Variants in COL7A1 observed in about 807,000 individuals in gnomAD.
COL7A1 encodes the protein collagen type VII alpha 1 chain.
In COL7A1, 296 loss-of-function variants were observed where a neutral mutation model predicts 456.2. The ratio of observed to expected loss-of-function variants is 0.65; its 90% CI spans 0.59 to 0.71. The LOEUF (loss-of-function observed/expected upper bound fraction) is 0.71. Ranked by LOEUF, COL7A1 falls within the 30% of genes least tolerant of loss-of-function variation. The pLI, the probability that COL7A1 is intolerant of heterozygous loss-of-function variation, is 0.00. For synonymous variants in COL7A1, 1,464 were observed against 1,525.9 expected (o/e 0.96, Z 0.95); for missense variants, 3,441 against 4,017.2 (o/e 0.86, Z 3.88).
rs761163966 is a variant in COL7A1 at position 48,581,530 on chromosome 3, C to T, written c.4782+43G>A. The T allele has an allele frequency of 6.2e-7, 1 of 1,614,148 alleles. No individual in the cohort carries two copies. Among genetic ancestry groups the T allele is most frequent in the Admixed American group, 1.7e-5 (1 of 60,024 alleles). ...CAGGACTTAGTCAGGGTCCCACCAC[C>T]TCATCTCCCTCTGTCACACTCCCCA... On this transcript the variant is annotated intron_variant, in intron 50 of 118. Transcript: ENST00000681320. This position sits in a 1 kb window ranked among gnomAD's most constrained non-coding sequence, Gnocchi z 5.8.
In COL7A1 at chr3:48,590,701, G is replaced by T; in HGVS notation, c.1752C>A (p.Gly584=). The stretch of plus-strand genomic sequence containing the variant: ...GGCGGACAGTGAGGACACTGGCACT[G>T]CCCTCACGGGGACCCACTCGAGCAG... The part of the protein sequence containing the change: ...RVSARVGPRE[G]SASVLTVRRE... The change falls in exon 14 of 119, where the codon GGC becomes GGA. Residue 584 remains glycine (G), a synonymous_variant. Transcript: ENST00000681320. This position sits in a 1 kb window ranked among gnomAD's most constrained non-coding sequence, Gnocchi z 4.6. 1 of 1,614,004 alleles carries T rather than the reference G, an allele frequency of 6.2e-7. No homozygotes were observed. The highest frequency in any genetic ancestry group is 8.5e-7 in the Non-Finnish European group (1 of 1,180,038).
chr3:48,584,333 G>T lies in COL7A1; in HGVS notation c.4162C>A (p.Arg1388Ser). Residue 1388 changes from arginine (R) to serine (S), a missense_variant, in exon 37 of 119, where the codon CGT becomes AGT. This residue lies in a region of COL7A1 where 2,084 missense variants were observed against 2,501.3 expected (regional missense o/e 0.83). Transcript: ENST00000681320. ...GTTCCAGGAAGCCCTGGGGGGCCAC[G>T]GGGTCCTGGGTCCCCCAGTGGTCCA... ...PRGPLGDPGPRGPPGLPGTAM... is the reference protein window; with the variant it reads ...PRGPLGDPGPSGPPGLPGTAM... 2.5e-6 allele frequency: 4 copies of T among 1,613,016 alleles called. No homozygotes were observed. In the South Asian group the frequency reaches 4.4e-5, roughly 18 times the overall value.
rs1402489204 is a variant in COL7A1, at chr3:48,585,046, G to C, written c.3965C>G (p.Pro1322Arg). The C allele has an allele frequency of 1.2e-6, 2 of 1,613,084 alleles. No homozygotes were observed. Among genetic ancestry groups the C allele is most frequent in the South Asian group, 1.1e-5 (1 of 91,070 alleles). The change falls in exon 33 of 119, where the codon CCT becomes CGT. Residue 1322 changes from proline to arginine, a missense_variant. Physicochemically the swap from Pro to Arg is moderately radical, Grantham distance 103 (BLOSUM62 -2). Coordinates refer to ENST00000681320, the MANE Select transcript of COL7A1 (RefSeq NM_000094.4). The surrounding 1 kb of genome is among the most constrained non-coding windows in gnomAD (Gnocchi z 4.5). ...ACAAGGCTTGCTCACCTTTAGGCCAGGGGCTCCAGGGGTCCCAGGATTCCC... is the reference window on the plus strand; with the variant it reads ...ACAAGGCTTGCTCACCTTTAGGCCACGGGCTCCAGGGGTCCCAGGATTCCC... The part of the protein sequence containing the change: ...RAGNPGTPGA[P>R]GLKGSPGLPG...
chr3:48,580,314 C>A lies in COL7A1; in HGVS notation c.5083G>T (p.Asp1695Tyr). 1 of 1,610,628 alleles carries A rather than the reference C, an allele frequency of 6.2e-7. No individual in the cohort carries two copies. The highest frequency in any genetic ancestry group is 1.1e-5 in the South Asian group (1 of 90,356). ...GCCCTACTCACCGGCTCCCCACGGT[C>A]ACCCTTGGGTCCAGATGATCCAGGG... ...GSPGSSGPKG[D>Y]RGEPGPPGPP... is the part of the protein sequence containing the mutation. The change falls in exon 56 of 119, where the codon GAC (aspartate) becomes TAC (tyrosine). Residue 1695 changes from aspartate to tyrosine, a missense_variant. Asp to Tyr is a radical substitution (Grantham distance 160, BLOSUM62 -3). Transcript: ENST00000681320. The surrounding 1 kb of genome is among the most constrained non-coding windows in gnomAD (Gnocchi z 4.5).
rs1330241659 is a variant in COL7A1, at chr3:48,572,762, A to G, written c.6832-23T>C. The G allele has an allele frequency of 1.9e-6, 3 of 1,610,886 alleles. No individual in the cohort carries two copies. On this transcript the variant is annotated intron_variant, in intron 87 of 118. Coordinates refer to ENST00000681320, the MANE Select transcript of COL7A1 (RefSeq NM_000094.4). The surrounding 1 kb of genome is among the most constrained non-coding windows in gnomAD (Gnocchi z 4.6). Reference sequence around the variant, plus strand: ...CCCCTATGGCAGAGCAGCGTGAGGAACTCAGTGCCTCTCCACCACCACCCC... The same window carrying G: ...CCCCTATGGCAGAGCAGCGTGAGGAGCTCAGTGCCTCTCCACCACCACCCC...
chr3:48,574,303 GAC>G lies in COL7A1; in HGVS notation c.6458_6459del (p.Gly2153AlafsTer11). On this transcript the variant is annotated frameshift_variant and splice_region_variant, in exon 80 of 119. Coordinates refer to ENST00000681320, the MANE Select transcript of COL7A1 (RefSeq NM_000094.4). LOFTEE classifies it high-confidence loss of function. This position sits in a 1 kb window ranked among gnomAD's most constrained non-coding sequence, Gnocchi z 5.0. ...PGPRGQDGNP[G>X]LPGERGMAGP... ...CCAGCCATACCACGCTCTCCTGGTA[GAC>G]CCTGCAGAGAATAGGTTTAAGGCCT... 1 of 1,614,162 alleles carries G rather than the reference GAC, an allele frequency of 6.2e-7. No homozygotes were observed. Among genetic ancestry groups the G allele is most frequent in the Non-Finnish European group, 8.5e-7 (1 of 1,180,022 alleles).
Position 48,588,268 on chromosome 3 carries a change from G to A in COL7A1, c.2710+14C>T. On this transcript the variant is annotated intron_variant, in intron 21 of 118. Coordinates refer to ENST00000681320, the MANE Select transcript of COL7A1 (RefSeq NM_000094.4). The surrounding 1 kb of genome is among the most constrained non-coding windows in gnomAD (Gnocchi z 4.6). Reference sequence around the variant, plus strand: ...CCCAATGGTCCCTAACTTCCTCCTGGGGACACCTCTCACCCTCAGGTTGCC... The same window carrying A: ...CCCAATGGTCCCTAACTTCCTCCTGAGGACACCTCTCACCCTCAGGTTGCC... 6.2e-7 allele frequency: 1 copy of A among 1,612,672 alleles called. No homozygotes were observed. The highest frequency in any genetic ancestry group is 8.5e-7 in the Non-Finnish European group (1 of 1,179,914).
In COL7A1 at chr3:48,591,931, G is replaced by C. The variant is rs142108058; in HGVS notation, c.1324C>G (p.Arg442Gly). Reference protein sequence around the residue: ...LLSWNLVPEARGYRLEWRRET... With the variant: ...LLSWNLVPEAGGYRLEWRRET... ...CGCCGCCATTCCAACCGGTAGCCAC[G>C]GGCCTCAGGCACCAAGTTCCAGGAA... Residue 442 changes from arginine to glycine, a missense_variant, in exon 11 of 119, where the codon CGT becomes GGT. This residue lies in a region of COL7A1 where 913 missense variants were observed against 1,088.2 expected (regional missense o/e 0.84). Coordinates refer to ENST00000681320, the MANE Select transcript of COL7A1 (RefSeq NM_000094.4). This position sits in a 1 kb window ranked among gnomAD's most constrained non-coding sequence, Gnocchi z 7.0. 5 of 1,614,174 alleles carry C rather than the reference G, an allele frequency of 3.1e-6. No individual in the cohort carries two copies. The highest frequency in any genetic ancestry group is 1.1e-5 in the South Asian group (1 of 91,078).
Position 48,567,814 on chromosome 3 carries a change from C to T in COL7A1, c.7929+24G>A, listed in dbSNP as rs765926458. ...GCCTTAGGCCCCAGGCCACGTAGCC[C>T]CCCAGCCCCCATCCCCTCTGTACCT... On this transcript the variant is annotated intron_variant, in intron 107 of 118. Coordinates refer to ENST00000681320, the MANE Select transcript of COL7A1 (RefSeq NM_000094.4). The surrounding 1 kb of genome is among the most constrained non-coding windows in gnomAD (Gnocchi z 4.3). The T allele has an allele frequency of 1.2e-6, 2 of 1,614,032 alleles. No homozygotes were observed. Among genetic ancestry groups the T allele is most frequent in the Admixed American group, 3.3e-5 (2 of 60,008 alleles).
At position 48,569,209 on chromosome 3, in the gene COL7A1, C is replaced by T. The variant is rs184732195; in HGVS notation, c.7686+166G>A. On this transcript the variant is annotated intron_variant, in intron 103 of 118. Coordinates refer to ENST00000681320, the MANE Select transcript of COL7A1 (RefSeq NM_000094.4). This position sits in a 1 kb window ranked among gnomAD's most constrained non-coding sequence, Gnocchi z 4.9. ...CTAACCTCACACCAAGGCCTTGAGCCCTCCCTAGAGCCCCTCCTCTCGGCC... is the reference window on the plus strand; with the variant it reads ...CTAACCTCACACCAAGGCCTTGAGCTCTCCCTAGAGCCCCTCCTCTCGGCC... Among the ~76,000 whole-genome samples the T allele has an allele frequency of 5.5e-4, 83 of 152,194 alleles. 1 individual carries two copies. Among genetic ancestry groups the T allele is most frequent in the Middle Eastern group, 6.8e-3 (2 of 294 alleles).
In COL7A1 at chr3:48,578,496, C is replaced by T; in HGVS notation, c.5444G>A (p.Gly1815Glu). The stretch of plus-strand genomic sequence containing the variant: ...AGAGGGGCCAGGGAGGCCCTGTTCT[C>T]CACGGAGGCCTGGAAGCCCCTGGAA... Reference protein sequence around the residue: ...PGRDGLPGLRGEQGLPGPSGP... With the variant: ...PGRDGLPGLREEQGLPGPSGP... Residue 1815 changes from glycine to glutamate, a missense_variant, in exon 64 of 119, where the codon GGA becomes GAA. Physicochemically the swap from Gly to Glu is moderately conservative, Grantham distance 98 (BLOSUM62 -2). Coordinates refer to ENST00000681320, the MANE Select transcript of COL7A1 (RefSeq NM_000094.4). This position sits in a 1 kb window ranked among gnomAD's most constrained non-coding sequence, Gnocchi z 4.7. 2 of 1,612,486 alleles carry T rather than the reference C, an allele frequency of 1.2e-6. No homozygotes were observed. Among genetic ancestry groups the T allele is most frequent in the Non-Finnish European group, 1.7e-6 (2 of 1,179,956 alleles).
Position 48,585,670 on chromosome 3 carries a change from C to G in COL7A1, c.3831+20G>C, listed in dbSNP as rs376299120. 134 of 1,613,892 alleles carry G rather than the reference C, an allele frequency of 8.3e-5. No homozygotes were observed. Among genetic ancestry groups the G allele is most frequent in the Non-Finnish European group, 1.1e-4 (124 of 1,180,000 alleles). ...GGATAAGCCAGTCAGGGTGCAGGGA[C>G]AGATGTGGGGGACACTCACCGGGAG... On this transcript the variant is annotated intron_variant, in intron 31 of 118. Transcript: ENST00000681320. The surrounding 1 kb of genome is among the most constrained non-coding windows in gnomAD (Gnocchi z 4.5).
Position 48,574,905 on chromosome 3 carries a change from T to G in COL7A1, c.6280-40A>C, listed in dbSNP as rs370282200. On this transcript the variant is annotated intron_variant, in intron 76 of 118. Transcript: ENST00000681320. This position sits in a 1 kb window ranked among gnomAD's most constrained non-coding sequence, Gnocchi z 5.0. ...TCACAGGGGAGAGATGTCTCTGTCATAGAGGCATGGGGGAGTCATCACAGA... is the reference window on the plus strand; with the variant it reads ...TCACAGGGGAGAGATGTCTCTGTCAGAGAGGCATGGGGGAGTCATCACAGA... The G allele has an allele frequency of 6.2e-7, 1 of 1,605,750 alleles. No homozygotes were observed. The highest frequency in any genetic ancestry group is 8.5e-7 in the Non-Finnish European group (1 of 1,173,250).
Position 48,585,648 on chromosome 3 carries a change from T to G in COL7A1, c.3832-29A>C. 1.2e-6 allele frequency: 2 copies of G among 1,613,982 alleles called. No individual in the cohort carries two copies. The highest frequency in any genetic ancestry group is 1.7e-6 in the Non-Finnish European group (2 of 1,179,992). On this transcript the variant is annotated intron_variant, in intron 31 of 118. Coordinates refer to ENST00000681320, the MANE Select transcript of COL7A1 (RefSeq NM_000094.4). The surrounding 1 kb of genome is among the most constrained non-coding windows in gnomAD (Gnocchi z 4.5). ...AAAGAAGATAGCAGTTAGGTGGGGA[T>G]AAGCCAGTCAGGGTGCAGGGACAGA...
rs1344377698 is a variant in COL7A1 at position 48,585,303 on chromosome 3, G to A, written c.3895-187C>T. ...ACAGAGCCCAATTCCAGGCACAAGGGCAGCGACAAGGCAGAGGGCTTCCCT... is the reference window on the plus strand; with the variant it reads ...ACAGAGCCCAATTCCAGGCACAAGGACAGCGACAAGGCAGAGGGCTTCCCT... On this transcript the variant is annotated intron_variant, in intron 32 of 118. Transcript: ENST00000681320. The surrounding 1 kb of genome is among the most constrained non-coding windows in gnomAD (Gnocchi z 4.5). Among the ~76,000 whole-genome samples the A allele has an allele frequency of 6.6e-6, 1 of 152,200 alleles. No homozygotes were observed. Among genetic ancestry groups the A allele is most frequent in the Non-Finnish European group, 1.5e-5 (1 of 68,026 alleles).
Position 48,591,570 on chromosome 3 carries a change from A to C in COL7A1, c.1530T>G (p.Pro510=). ...VPTGPELPVS[P]VTDLQATELP... ...GCTCGGTGGCTTGCAGGTCTGTTACAGGGCTCACAGGCAGCTCTGGTCCTG... is the reference window on the plus strand; with the variant it reads ...GCTCGGTGGCTTGCAGGTCTGTTACCGGGCTCACAGGCAGCTCTGGTCCTG... The change falls in exon 13 of 119, where the codon CCT becomes CCG. Residue 510 remains proline (P), a synonymous_variant. Transcript: ENST00000681320. This position sits in a 1 kb window ranked among gnomAD's most constrained non-coding sequence, Gnocchi z 7.0. The C allele has an allele frequency of 6.2e-7, 1 of 1,613,704 alleles. No homozygotes were observed. The highest frequency in any genetic ancestry group is 1.3e-5 in the African/African-American group (1 of 75,012).
chr3:48,572,978 AC>A lies in COL7A1; in HGVS notation c.6751-37del. On this transcript the variant is annotated intron_variant, in intron 86 of 118. Coordinates refer to ENST00000681320, the MANE Select transcript of COL7A1 (RefSeq NM_000094.4). The surrounding 1 kb of genome is among the most constrained non-coding windows in gnomAD (Gnocchi z 4.6). ...AGAGCTCTGTCAGGGCTGCCTGTCG[AC>A]CCTTGACCCCTGGAGCCCAACCCTT... is the stretch of plus-strand genomic sequence containing the variant. 2 of 1,613,192 alleles carry A rather than the reference AC, an allele frequency of 1.2e-6. No homozygotes were observed. The highest frequency in any genetic ancestry group is 1.6e-4 in the Middle Eastern group (1 of 6,062).
Position 48,570,859 on chromosome 3 carries a change from A to G in COL7A1, c.7272+2T>C. 6.2e-7 allele frequency: 1 copy of G among 1,607,948 alleles called. No homozygotes were observed. Among genetic ancestry groups the G allele is most frequent in the Non-Finnish European group, 8.5e-7 (1 of 1,177,748 alleles). On this transcript the variant is annotated splice_donor_variant, in intron 95 of 118. Transcript: ENST00000681320. LOFTEE classifies it high-confidence loss of function. This position sits in a 1 kb window ranked among gnomAD's most constrained non-coding sequence, Gnocchi z 5.5. ...CCCTACATGCTGTTCCCAGCCCCTC[A>G]CCCGCTCTCCACTAGGGCCTGGCTG...
rs773013817 is a variant in COL7A1 at position 48,572,380 on chromosome 3, C to T, written c.6978G>A (p.Pro2326=). The part of the protein sequence containing the change: ...GGLAGDLVGE[P]GAKGDRGLPG... ...CTGCTGTCAGAAGTTCCCTACTTACCGGCTCACCCACCAGGTCTCCAGCAA... is the reference window on the plus strand; with the variant it reads ...CTGCTGTCAGAAGTTCCCTACTTACTGGCTCACCCACCAGGTCTCCAGCAA... The change falls in exon 90 of 119, where the codon CCG becomes CCA. Residue 2326 remains proline (P), a splice_region_variant and synonymous_variant. Transcript: ENST00000681320. The surrounding 1 kb of genome is among the most constrained non-coding windows in gnomAD (Gnocchi z 4.6). The T allele has an allele frequency of 2.2e-5, 36 of 1,614,008 alleles. No individual in the cohort carries two copies. Among genetic ancestry groups the T allele is most frequent in the Middle Eastern group, 1.6e-4 (1 of 6,084 alleles).
Sources: allele counts gnomAD v4.1 joint callset (sites outside exome capture counted in the v4.1 genomes callset), GRCh38; gene constraint gnomAD v4.1.1; regional missense constraint gnomAD v4.1.1; non-coding constraint Gnocchi (gnomAD v3.1); transcripts MANE v1.5; gene names NCBI Gene and HGNC (gene_info 2026-07-23, HGNC 2026-07-21).